SMIM36: variants seen among roughly 807,000 people sequenced by gnomAD.
The protein encoded by SMIM36 is small integral membrane protein 36.
At chr17:55,453,341 C>A (rs1283380573) in intron 4 of SMIM36, among the ~76,000 whole-genome samples, 4 of 150,862 alleles carry the variant, frequency 2.7e-5, no homozygotes, top group Non-Finnish European at 5.9e-5. Flanking sequence ...AAAGTGAACC[C>A]ATGCAGTTAG....
chr17:55,455,944 CCT>C (rs1430210137), intron 4 of SMIM36, among the ~76,000 whole-genome samples: 2 of 151,488 alleles, frequency 1.3e-5, no homozygotes, highest in African/African-American at 2.4e-5. Context: ...ACGGTGAAAC[CCT>C]GTTTCTACTA....
At chr17:55,510,381 G>A (rs1910159148) in intron 1 of SMIM36, among the ~76,000 whole-genome samples, 1 of 152,112 alleles carries the variant, frequency 6.6e-6, no homozygotes, top group African/African-American at 2.4e-5. Context: ...GAGGCAGGAG[G>A]ATTGCTTGAG....
At chr17:55,523,555 A>C in the SMIM36 span, among the ~76,000 whole-genome samples, 1 of 149,984 alleles carries the variant, frequency 6.7e-6, no homozygotes, top group African/African-American at 2.5e-5. Flanking sequence ...AAAACATGTG[A>C]GGACAAAGCA....
exon 1 of SMIM36, chr17:55,511,134 G>T: frequency 2.5e-6 from 1 of 398,542 alleles, no homozygotes; most frequent in South Asian, 1.3e-4. Context: ...GGGGCCCAGC[G>T]ACACTTGGGT....
intron 4 of SMIM36, among the ~76,000 whole-genome samples, chr17:55,454,993 G>C (rs965962195): frequency 3.9e-5 from 6 of 152,156 alleles, no homozygotes; most frequent in African/African-American, 7.2e-5. Flanking sequence ...GATAGTCTTA[G>C]AGAGAACTAT....
At chr17:55,530,513 G>A in the SMIM36 span, among the ~76,000 whole-genome samples, 6 of 152,166 alleles carry the variant, frequency 3.9e-5, no homozygotes, top group African/African-American at 1.2e-4. Flanking sequence ...GGCTGGGCGC[G>A]GTGGCTCACG....
the SMIM36 span, among the ~76,000 whole-genome samples, chr17:55,522,163 C>T: frequency 6.6e-5 from 10 of 152,288 alleles, no homozygotes; most frequent in South Asian, 2.1e-4. Context: ...CTAGCCACTT[C>T]GGTGTTTTTT....
chr17:55,474,624 G>C (rs1161566922), intron 3 of SMIM36, among the ~76,000 whole-genome samples: 2 of 152,126 alleles, frequency 1.3e-5, no homozygotes, highest in Non-Finnish European at 1.5e-5. Context: ...TTGATACTTT[G>C]GTTTTGCTTT....
intron 3 of SMIM36, among the ~76,000 whole-genome samples, chr17:55,475,907 C>G (rs1371342953): frequency 6.6e-6 from 1 of 152,148 alleles, no homozygotes; most frequent in Non-Finnish European, 1.5e-5. Context: ...CAAAATCTTT[C>G]TTCAGCTTAA....
At chr17:55,482,651 A>C (rs1016965547) in intron 1 of SMIM36, among the ~76,000 whole-genome samples, 14 of 152,244 alleles carry the variant, frequency 9.2e-5, no homozygotes, top group Non-Finnish European at 7.3e-5. Flanking sequence ...AATGGATAAC[A>C]AAGAGACAGC....
chr17:55,519,329 A>G, the SMIM36 span, among the ~76,000 whole-genome samples: 2 of 152,144 alleles, frequency 1.3e-5, no homozygotes, highest in African/African-American at 4.8e-5. Flanking sequence ...AAACCTGTAC[A>G]CTGGGTAAGG....
chr17:55,525,321 A>G, the SMIM36 span, among the ~76,000 whole-genome samples: 1 of 152,100 alleles, frequency 6.6e-6, no homozygotes, highest in Non-Finnish European at 1.5e-5. Context: ...TCATTGATTA[A>G]TTGATTGATT....
chr17:55,490,304 A>C (rs1006599077), intron 1 of SMIM36, among the ~76,000 whole-genome samples: 1 of 152,102 alleles, frequency 6.6e-6, no homozygotes, highest in Admixed American at 6.5e-5. Flanking sequence ...TGGTATCCTG[A>C]GCAGGGCGCT....
intron 1 of SMIM36, among the ~76,000 whole-genome samples, chr17:55,493,571 A>G (rs1326170222): frequency 6.6e-6 from 1 of 152,126 alleles, no homozygotes; most frequent in Admixed American, 6.5e-5. Flanking sequence ...GCACTTTGGG[A>G]AGCCAAGGCA....
chr17:55,532,016 A>C, the SMIM36 span, among the ~76,000 whole-genome samples: 1 of 152,214 alleles, frequency 6.6e-6, no homozygotes, highest in African/African-American at 2.4e-5. Context: ...CTGAGCCTGA[A>C]TTTTAAAATT....
chr17:55,512,013 A>G (rs533055372), upstream of SMIM36, among the ~76,000 whole-genome samples: 4 of 152,346 alleles, frequency 2.6e-5, no homozygotes, highest in African/African-American at 9.6e-5. Context: ...AGCAGGAAAG[A>G]TAGCCTTTAA....
intron 4 of SMIM36, among the ~76,000 whole-genome samples, chr17:55,462,236 A>G (rs1909158536): frequency 6.6e-6 from 1 of 152,230 alleles, no homozygotes; most frequent in African/African-American, 2.4e-5. Flanking sequence ...AATACTTAAT[A>G]AGAAGTATAT....
At chr17:55,485,003 T>C (rs1213060055) in intron 1 of SMIM36, among the ~76,000 whole-genome samples, 3 of 152,338 alleles carry the variant, frequency 2.0e-5, no homozygotes, top group Non-Finnish European at 2.9e-5. Flanking sequence ...GTTTAGCTGA[T>C]ACCAAGAAAT....
chr17:55,480,590 T>C (rs1302676793), intron 1 of SMIM36, among the ~76,000 whole-genome samples: 1 of 152,236 alleles, frequency 6.6e-6, no homozygotes, highest in Non-Finnish European at 1.5e-5. Flanking sequence ...CTGGGATACA[T>C]GCTCTTTCAA....
Sources: allele counts gnomAD v4.1 joint callset (sites outside exome capture counted in the v4.1 genomes callset), GRCh38; gene constraint gnomAD v4.1.1; transcripts MANE v1.5; gene names NCBI Gene and HGNC (gene_info 2026-07-23, HGNC 2026-07-21).